ZFAT: variants seen among roughly 807,000 people sequenced by gnomAD.
ZFAT encodes the protein zinc finger protein ZFAT.
Under a neutral mutation model 117.7 loss-of-function variants are expected in ZFAT, and 64 were observed. That is an observed-to-expected ratio of 0.54 (90% CI 0.44 to 0.67). The LOEUF is 0.67. ZFAT is among the 30% of genes least tolerant of loss of function. The pLI, the probability that ZFAT is intolerant of heterozygous loss-of-function variation, is 0.00. For synonymous variants in ZFAT, 679 were observed against 615.0 expected (o/e 1.10, Z -1.54); for missense variants, 1,433 against 1,584.5 (o/e 0.90, Z 1.62).
chr8:134,743,050 T>C, the ZFAT span, among the ~76,000 whole-genome samples: 1 of 152,116 alleles, frequency 6.6e-6, no homozygotes, highest in African/African-American at 2.4e-5. Flanking sequence ...TGTGAAAGAG[T>C]GACACATAAT....
intron 11 of ZFAT, among the ~76,000 whole-genome samples, chr8:134,554,636 A>C (rs1032626553): frequency 2.6e-5 from 4 of 152,206 alleles, no homozygotes; most frequent in African/African-American, 4.8e-5. Context: ...AGAGTTCCCC[A>C]GGCAGAGCAA....
rs1832621332 is a variant in ZFAT, at chr8:134,672,752, T to C, written c.20-15015A>G. 2.0e-5 allele frequency among the ~76,000 whole-genome samples: 3 copies of C among 152,156 alleles called. No individual in the cohort carries two copies. The South Asian group carries it at 6.2e-4, about 31-fold the overall frequency. On this transcript the variant is annotated intron_variant, in intron 1 of 15. Coordinates refer to ENST00000377838, the MANE Select transcript of ZFAT (RefSeq NM_020863.4). ...TTTTCAAATGTTGAAAGAAAAGAAC[T>C]GTCCACCTAAAATTCCATGTCCAGT...
chr8:134,754,618 T>C, the ZFAT span, among the ~76,000 whole-genome samples: 104 of 152,358 alleles, frequency 6.8e-4, no homozygotes, highest in African/African-American at 2.4e-3. Flanking sequence ...GTCAATTTTC[T>C]CACCTGTAAA....
rs543725051 is a variant in ZFAT at position 134,582,778 on chromosome 8, A to C, written c.2887+1054T>G. Among the ~76,000 whole-genome samples the C allele has an allele frequency of 4.6e-5, 7 of 152,314 alleles. No homozygotes were observed. The South Asian group carries it at 6.2e-4, about 14-fold the overall frequency. ...AGGGCCCAACCCCCACACACACAAC[A>C]GGATTGATTTTCAGAACAATCTTAA... On this transcript the variant is annotated intron_variant, in intron 10 of 15. Coordinates refer to ENST00000377838, the MANE Select transcript of ZFAT (RefSeq NM_020863.4).
intron 5 of ZFAT, among the ~76,000 whole-genome samples, chr8:134,603,508 A>C (rs1827667670): frequency 6.6e-6 from 1 of 152,208 alleles, no homozygotes; most frequent in Non-Finnish European, 1.5e-5. Context: ...CTATTCATTC[A>C]ACCAACTGTT....
At chr8:134,529,842 C>A (rs1821287582) in intron 12 of ZFAT, among the ~76,000 whole-genome samples, 1 of 152,198 alleles carries the variant, frequency 6.6e-6, no homozygotes, top group African/African-American at 2.4e-5. Flanking sequence ...TTGGGAAGAG[C>A]CTTAGCAGCC....
At chr8:134,790,182 G>GC in the ZFAT span, among the ~76,000 whole-genome samples, 1 of 152,266 alleles carries the variant, frequency 6.6e-6, no homozygotes, top group East Asian at 1.9e-4. Context: ...TACCACCATT[G>GC]CAAGAAGAGG....
the ZFAT span, among the ~76,000 whole-genome samples, chr8:134,724,683 T>C: frequency 1.3e-5 from 2 of 152,088 alleles, no homozygotes; most frequent in African/African-American, 4.8e-5. Context: ...CTCTTTAGCC[T>C]GCCCTGGGTA....
In ZFAT at chr8:134,637,457, T is replaced by C. The variant is rs373540951; in HGVS notation, c.448+4A>G. On this transcript the variant is annotated splice_donor_region_variant and intron_variant, in intron 3 of 15. Coordinates refer to ENST00000377838, the MANE Select transcript of ZFAT (RefSeq NM_020863.4). ...GACATGTTCAGCCCTTTGGCAGCAT[T>C]TACCTGCTTCTCCTTCCTCCTCACC... 201 of 1,604,420 alleles carry C rather than the reference T, an allele frequency of 1.3e-4. No individual in the cohort carries two copies. The highest frequency in any genetic ancestry group is 1.7e-4 in the Non-Finnish European group (197 of 1,172,076).
chr8:134,504,628 T>C (rs748678119), intron 15 of ZFAT, among the ~76,000 whole-genome samples: 1 of 152,268 alleles, frequency 6.6e-6, no homozygotes, highest in Non-Finnish European at 1.5e-5. Flanking sequence ...AACGCCAACA[T>C]GACTTCAAGA....
At chr8:134,701,152 T>C (rs569170958) in intron 1 of ZFAT, among the ~76,000 whole-genome samples, 1 of 152,290 alleles carries the variant, frequency 6.6e-6, no homozygotes, top group East Asian at 1.9e-4. Flanking sequence ...ACCGAAACTC[T>C]ATGTCCATTA....
chr8:134,507,660 A>G (rs1320906858), intron 15 of ZFAT, among the ~76,000 whole-genome samples: 1 of 152,160 alleles, frequency 6.6e-6, no homozygotes, highest in Non-Finnish European at 1.5e-5. Flanking sequence ...GATGCCTCAA[A>G]GCATATCTAA....
intron 1 of ZFAT, among the ~76,000 whole-genome samples, chr8:134,684,372 C>G (rs116789763): frequency 3.1e-4 from 47 of 152,220 alleles, no homozygotes; most frequent in African/African-American, 1.1e-3. Context: ...AGAAATAAAG[C>G]GATAGCAAGT....
chr8:134,671,618 C>G lies in ZFAT; in HGVS notation c.20-13881G>C, dbSNP rs550036526. Among the ~76,000 whole-genome samples the G allele has an allele frequency of 2.1e-3, 327 of 152,268 alleles. 2 individuals carry two copies. Among genetic ancestry groups the G allele is most frequent in the African/African-American group, 7.5e-3 (311 of 41,542 alleles). The stretch of plus-strand genomic sequence containing the variant: ...GGGACGTATCTCAAAATAATAAGAG[C>G]TATTTATGACTAACCCACAGCCAAT... On this transcript the variant is annotated intron_variant, in intron 1 of 15. Coordinates refer to ENST00000377838, the MANE Select transcript of ZFAT (RefSeq NM_020863.4).
the ZFAT span, among the ~76,000 whole-genome samples, chr8:134,764,242 G>A: frequency 6.6e-6 from 1 of 152,182 alleles, no homozygotes; most frequent in Non-Finnish European, 1.5e-5. Context: ...TTCTGTATTT[G>A]CTAAGTAGCT....
Position 134,547,119 on chromosome 8 carries a change from G to A in ZFAT, c.2977-14147C>T, listed in dbSNP as rs547834776. Among the ~76,000 whole-genome samples the A allele has an allele frequency of 2.1e-3, 322 of 152,284 alleles. 1 individual carries two copies. The highest frequency in any genetic ancestry group is 7.2e-3 in the African/African-American group (301 of 41,534). On this transcript the variant is annotated intron_variant, in intron 11 of 15. Transcript: ENST00000377838. The stretch of plus-strand genomic sequence containing the variant: ...TCTCATCTTGCAGACAAGGCCCTGC[G>A]AAGTTAAGCGGCTTGCTGAAGTTCA...
At chr8:134,547,525 T>A (rs1440564674) in intron 11 of ZFAT, among the ~76,000 whole-genome samples, 1 of 152,102 alleles carries the variant, frequency 6.6e-6, no homozygotes, top group Non-Finnish European at 1.5e-5. Flanking sequence ...TCCACAGAAC[T>A]ACCAAACACT....
chr8:134,527,027 G>A (rs1401771447), intron 12 of ZFAT, among the ~76,000 whole-genome samples: 2 of 152,092 alleles, frequency 1.3e-5, no homozygotes, highest in African/African-American at 4.8e-5. Context: ...GAGAGGGGGA[G>A]GTCATTCTGG....
intron 1 of ZFAT, among the ~76,000 whole-genome samples, chr8:134,661,918 G>A (rs181841090): frequency 3.3e-5 from 5 of 152,298 alleles, no homozygotes; most frequent in Non-Finnish European, 2.9e-5. Context: ...GGGTCAGCAC[G>A]CAAGGAGGAA....
Sources: allele counts gnomAD v4.1 joint callset (sites outside exome capture counted in the v4.1 genomes callset), GRCh38; gene constraint gnomAD v4.1.1; transcripts MANE v1.5; gene names NCBI Gene and HGNC (gene_info 2026-07-23, HGNC 2026-07-21).